The following ADAMTSL1 variants were observed in gnomAD, a reference collection of about 807,000 sequenced individuals.
ADAMTSL1 encodes ADAMTS-like protein 1.
ADAMTSL1 carries 126 observed loss-of-function variants against 201.8 expected under a neutral mutation model. The observed-to-expected ratio is 0.62, with a 90% CI of 0.54 to 0.72. The LOEUF is 0.72. Ranked by LOEUF, ADAMTSL1 falls within the 30% of genes least tolerant of loss-of-function variation. The probability of loss-of-function intolerance (pLI) is 0.00; values close to 1 mark genes in which losing one functional copy is unlikely to be tolerated. For missense variants in ADAMTSL1, 2,679 were observed against 2,277.8 expected, an observed-to-expected ratio of 1.18 and a Z score of -3.59; for synonymous variants, 1,121 against 903.4, an observed-to-expected ratio of 1.24 and a Z score of -4.32.
intron 1 of ADAMTSL1, among the ~76,000 whole-genome samples, chr9:17,997,563 A>G (rs1819433825): frequency 6.6e-6 from 1 of 152,106 alleles, no homozygotes; most frequent in African/African-American, 2.4e-5. Context: ...GAAGACAAAT[A>G]TCTATGTGAA....
At chr9:18,214,521 T>C (rs1357418456) in intron 2 of ADAMTSL1, among the ~76,000 whole-genome samples, 1 of 152,206 alleles carries the variant, frequency 6.6e-6, no homozygotes, top group Admixed American at 6.5e-5. Context: ...CAACTAAATG[T>C]TACTAAAATG....
At chr9:18,422,651 T>G (rs1819012595) in intron 2 of ADAMTSL1, among the ~76,000 whole-genome samples, 1 of 152,168 alleles carries the variant, frequency 6.6e-6, no homozygotes, top group Non-Finnish European at 1.5e-5. Flanking sequence ...TTTTCTAGTT[T>G]TCACAAAAAC....
At chr9:18,091,068 CATGT>C (rs202203158) in intron 1 of ADAMTSL1, among the ~76,000 whole-genome samples, 9,773 of 147,106 alleles carry the variant, frequency 0.066, 542 homozygotes, top group East Asian at 0.37. Context: ...TGTGTATATG[CATGT>C]GTGTGTGTGT....
In ADAMTSL1 at chr9:18,704,878, T is replaced by C. The variant is rs137910742; in HGVS notation, c.1575-1869T>C. Among the ~76,000 whole-genome samples the C allele has an allele frequency of 3.1e-3, 477 of 152,342 alleles. 2 individuals carry two copies. The highest frequency in any genetic ancestry group is 0.011 in the African/African-American group (452 of 41,590). On this transcript the variant is annotated intron_variant, in intron 13 of 28. Transcript: ENST00000380548. ...TTGGGATAATTCTGGGTGGCCATTCTACCCTCATCCACCTTCCTGACAAGG... is the reference window on the plus strand; with the variant it reads ...TTGGGATAATTCTGGGTGGCCATTCCACCCTCATCCACCTTCCTGACAAGG...
At chr9:18,859,379 T>A (rs907483732) in intron 23 of ADAMTSL1, among the ~76,000 whole-genome samples, 2 of 152,182 alleles carry the variant, frequency 1.3e-5, no homozygotes, top group African/African-American at 4.8e-5. Context: ...TAAGGCCCCT[T>A]TTGATGACAT....
chr9:18,090,680 G>T (rs1823973525), intron 1 of ADAMTSL1, among the ~76,000 whole-genome samples: 1 of 152,094 alleles, frequency 6.6e-6, no homozygotes, highest in Non-Finnish European at 1.5e-5. Context: ...GGCGGCAATG[G>T]TTACAACAAT....
At chr9:18,095,765 A>G (rs1381480471) in intron 1 of ADAMTSL1, among the ~76,000 whole-genome samples, 1 of 152,064 alleles carries the variant, frequency 6.6e-6, no homozygotes, top group Non-Finnish European at 1.5e-5. Flanking sequence ...AACGTATTTC[A>G]GTCTCATCTT....
intron 2 of ADAMTSL1, among the ~76,000 whole-genome samples, chr9:18,518,923 G>C (rs1320050715): frequency 6.6e-6 from 1 of 152,144 alleles, no homozygotes. Flanking sequence ...GGCCAGGCTG[G>C]TTTTCTAAAA....
intron 3 of ADAMTSL1, among the ~76,000 whole-genome samples, chr9:18,534,760 C>T (rs1174054738): frequency 6.6e-6 from 1 of 152,356 alleles, no homozygotes; most frequent in East Asian, 1.9e-4. Flanking sequence ...AGGACCACCA[C>T]AACATGGAAG....
chr9:18,431,889 T>C (rs1160948811), intron 2 of ADAMTSL1, among the ~76,000 whole-genome samples: 1 of 152,186 alleles, frequency 6.6e-6, no homozygotes, highest in African/African-American at 2.4e-5. Context: ...ATAGGCTGGG[T>C]TGTTTTTTAA....
At chr9:18,826,931 C>G (rs901235643) in intron 22 of ADAMTSL1, among the ~76,000 whole-genome samples, 3 of 152,126 alleles carry the variant, frequency 2.0e-5, no homozygotes, top group Non-Finnish European at 1.5e-5. Context: ...TCTGGTCCAT[C>G]TAAAGTCTCC....
intron 2 of ADAMTSL1, among the ~76,000 whole-genome samples, chr9:18,357,344 C>G (rs1475124452): frequency 6.6e-6 from 1 of 152,024 alleles, no homozygotes; most frequent in Non-Finnish European, 1.5e-5. Flanking sequence ...TGAGGTCCAA[C>G]AATTGGTAAT....
chr9:18,083,375 A>T (rs1338724676), intron 1 of ADAMTSL1, among the ~76,000 whole-genome samples: 8 of 152,246 alleles, frequency 5.3e-5, no homozygotes, highest in African/African-American at 1.9e-4. Flanking sequence ...GGCTTAAGTC[A>T]TTGAAGAAGT....
At chr9:18,496,435 C>T (rs1187775260) in intron 1 of ADAMTSL1, among the ~76,000 whole-genome samples, 1 of 152,164 alleles carries the variant, frequency 6.6e-6, no homozygotes, top group African/African-American at 2.4e-5. Flanking sequence ...GGAATAGAAC[C>T]TAAACCACAT....
rs142067889 is a variant in ADAMTSL1 at position 18,388,916 on chromosome 9, C to T, written c.208-115913C>T. Among the ~76,000 whole-genome samples, 696 of 151,996 alleles carry T rather than the reference C, an allele frequency of 4.6e-3. 3 individuals are homozygous for T. The highest frequency in any genetic ancestry group is 0.016 in the African/African-American group (657 of 41,434). On this transcript the variant is annotated intron_variant, in intron 2 of 29. Coordinates refer to the ADAMTSL1 transcript ENST00000680146. ...GGATTACAGGTGCCTGCCACCTCAC[C>T]CGGCTAATTTTTGTACTTCTAGTAG... is the stretch of plus-strand genomic sequence containing the variant.
chr9:18,180,047 G>A (rs920825451), intron 2 of ADAMTSL1, among the ~76,000 whole-genome samples: 2 of 151,958 alleles, frequency 1.3e-5, no homozygotes, highest in Non-Finnish European at 2.9e-5. Context: ...AATATAAATG[G>A]ACTAAATGCT....
intron 2 of ADAMTSL1, among the ~76,000 whole-genome samples, chr9:18,171,782 A>G (rs1340379345): frequency 3.9e-5 from 6 of 152,082 alleles, no homozygotes; most frequent in Non-Finnish European, 7.4e-5. Flanking sequence ...GGTATTACCT[A>G]GGTTTTCTTC....
chr9:18,551,479 A>G (rs1820795053), intron 3 of ADAMTSL1, among the ~76,000 whole-genome samples: 1 of 151,070 alleles, frequency 6.6e-6, no homozygotes, highest in South Asian at 2.1e-4. Flanking sequence ...TTTCATGTTT[A>G]GTAAATCTTG....
rs144476421 is a variant in ADAMTSL1 at position 18,724,833 on chromosome 9, C to T, written c.2006+3168C>T. ...TCCTTATCCCTTCTCTCCAACCTTC[C>T]AGATGCTGTTGATCCTTTCCTTAAG... On this transcript the variant is annotated intron_variant, in intron 15 of 28. Coordinates refer to ENST00000380548, the MANE Select transcript of ADAMTSL1 (RefSeq NM_001040272.6). Among the ~76,000 whole-genome samples the T allele has an allele frequency of 1.1e-4, 16 of 152,320 alleles. No homozygotes were observed. In the East Asian group the frequency reaches 3.1e-3, roughly 29 times the overall value.
Sources: allele counts gnomAD v4.1 joint callset (sites outside exome capture counted in the v4.1 genomes callset), GRCh38; gene constraint gnomAD v4.1.1; transcripts MANE v1.5; gene names NCBI Gene and HGNC (gene_info 2026-07-23, HGNC 2026-07-21).